MEI1: variants seen among roughly 807,000 people sequenced by gnomAD.
The protein encoded by MEI1 is meiosis inhibitor protein 1.
Under a neutral mutation model 146.2 loss-of-function variants are expected in MEI1, and 103 were observed. That is an observed-to-expected ratio of 0.70 (90% CI 0.60 to 0.83). MEI1 has a LOEUF of 0.83. Among genes scored for constraint, MEI1 ranks in the 40% least tolerant of loss-of-function variants. The probability of loss-of-function intolerance (pLI) is 0.00; values close to 1 mark genes in which losing one functional copy is unlikely to be tolerated. For synonymous variants in MEI1, 652 were observed against 628.2 expected (o/e 1.04, Z -0.57); for missense variants, 1,529 against 1,533.0 (o/e 1.00, Z 0.04).
intron 15 of MEI1, among the ~76,000 whole-genome samples, chr22:41,750,709 T>C (rs890332311): frequency 1.5e-4 from 23 of 152,186 alleles, no homozygotes; most frequent in African/African-American, 4.8e-4. Flanking sequence ...GAGTTGGAAT[T>C]CTTCTCACCT....
In MEI1 at chr22:41,763,418, G is replaced by A. The variant is rs1602010305; in HGVS notation, c.2268+97G>A. The A allele has an allele frequency of 4.3e-6, 6 of 1,390,778 alleles. No homozygotes were observed. In the South Asian group the frequency reaches 8.0e-5, roughly 19 times the overall value. The allele number at this position is 1,390,778 out of a possible 1,614,324, so 86.2% of individuals were successfully genotyped here. ...ATGATGATAGTGTATAGACAAGCGG[G>A]TGGTAGAGAGAGACAAAGCGGAGGT... On this transcript the variant is annotated intron_variant, in intron 19 of 30. Transcript: ENST00000401548.
At chr22:41,780,055 G>A (rs5758466) in intron 22 of MEI1, among the ~76,000 whole-genome samples, 97,120 of 151,950 alleles carry the variant, frequency 0.64, 34,174 homozygotes, top group East Asian at 0.92. Context: ...CACTGGGGAC[G>A]CATTGCAGAT....
chr22:41,792,932 AAG>A (rs1227639550), intron 26 of MEI1, among the ~76,000 whole-genome samples: 2 of 141,934 alleles, frequency 1.4e-5, no homozygotes, highest in African/African-American at 5.0e-5. Flanking sequence ...AAAAAAAAAA[AAG>A]GTTGAAACCC....
At chr22:41,709,253 GC>G in intron 3 of MEI1, 1 of 862,968 alleles carries the variant, frequency 1.2e-6, no homozygotes, top group Middle Eastern at 3.0e-4. Context: ...AGCTTTCTGT[GC>G]CTGGTCTGTC....
chr22:41,739,729 A>G (rs1351181144), intron 11 of MEI1, among the ~76,000 whole-genome samples: 2 of 152,122 alleles, frequency 1.3e-5, no homozygotes, highest in South Asian at 2.1e-4. Context: ...AGAGGCATCT[A>G]TGCTGAGCTG....
intron 1 of MEI1, among the ~76,000 whole-genome samples, chr22:41,701,640 T>C (rs2068730818): frequency 6.6e-6 from 1 of 152,166 alleles, no homozygotes; most frequent in Admixed American, 6.6e-5. Flanking sequence ...CTGCTTTTCT[T>C]GGACAGTAAA....
chr22:41,772,917 A>T (rs1170300757), intron 20 of MEI1, among the ~76,000 whole-genome samples: 1 of 152,104 alleles, frequency 6.6e-6, no homozygotes, highest in East Asian at 1.9e-4. Flanking sequence ...CCTAAAATGG[A>T]GCTCATTATC....
intron 17 of MEI1, 58 bp downstream of exon 17, chr22:41,754,104 G>A (rs1270419797): frequency 7.7e-7 from 1 of 1,303,882 alleles, no homozygotes. Flanking sequence ...GAGTCTGGGT[G>A]CCTTGCTGAT....
At chr22:41,728,136 C>G (rs1278781895) in intron 7 of MEI1, among the ~76,000 whole-genome samples, 1 of 152,178 alleles carries the variant, frequency 6.6e-6, no homozygotes, top group Admixed American at 6.5e-5. Context: ...ACTGCATTTT[C>G]CATCAGCGTT....
At chr22:41,781,430 G>C in intron 23 of MEI1, 36 bp downstream of exon 23, 1 of 1,517,554 alleles carries the variant, frequency 6.6e-7, no homozygotes, top group Non-Finnish European at 9.0e-7. Flanking sequence ...GAAGAGTGCT[G>C]GGCAGTCTGT....
intron 9 of MEI1, among the ~76,000 whole-genome samples, chr22:41,731,868 G>A (rs1365873183): frequency 6.6e-6 from 1 of 152,162 alleles, no homozygotes; most frequent in African/African-American, 2.4e-5. Context: ...GAGCTGTGGG[G>A]GCTCAGGGGA....
chr22:41,795,749 A>G lies in MEI1; in HGVS notation c.3681A>G (p.Gly1227=), dbSNP rs1269565902. 6.2e-7 allele frequency: 1 copy of G among 1,613,580 alleles called. No individual in the cohort carries two copies. The change falls in exon 30 of 31, where the codon GGA becomes GGG. Residue 1227 remains glycine (G), a synonymous_variant. Transcript: ENST00000401548. The surrounding 1 kb of genome is among the most constrained non-coding windows in gnomAD (Gnocchi z 4.2). The stretch of plus-strand genomic sequence containing the variant: ...TCTCCCTGCAGCTCCAGAGCATGGG[A>G]CACCTGGCTGACCACAGCATGGCCC... The part of the protein sequence containing the change: ...HGFFQQLQSM[G]HLADHSMAQT...
intron 18 of MEI1, among the ~76,000 whole-genome samples, chr22:41,760,636 C>A (rs1345754893): frequency 6.6e-6 from 1 of 152,206 alleles, no homozygotes; most frequent in Admixed American, 6.5e-5. Flanking sequence ...CATTGGCAAG[C>A]TACTGCCTTA....
At chr22:41,762,736 G>A (rs944012702) in intron 18 of MEI1, among the ~76,000 whole-genome samples, 9 of 151,398 alleles carry the variant, frequency 5.9e-5, no homozygotes, top group Non-Finnish European at 1.0e-4. Context: ...TTTTAATTTT[G>A]ATGACCTCTA....
At chr22:41,745,847 T>C (rs2073242703) in intron 13 of MEI1, 38 bp from the exon 14 acceptor site, 1 of 1,554,638 alleles carries the variant, frequency 6.4e-7, no homozygotes, top group Non-Finnish European at 8.8e-7. Flanking sequence ...TTAGGTTGCA[T>C]AGGTGGTAGT....
intron 26 of MEI1, among the ~76,000 whole-genome samples, chr22:41,787,905 C>T (rs1467924740): frequency 2.0e-5 from 3 of 152,168 alleles, no homozygotes; most frequent in Non-Finnish European, 4.4e-5. Context: ...ATTCCTAATA[C>T]AAAAGTCCAA....
At chr22:41,715,760 C>A (rs2070089536) in intron 4 of MEI1, among the ~76,000 whole-genome samples, 1 of 152,010 alleles carries the variant, frequency 6.6e-6, no homozygotes. Flanking sequence ...ACTTTTGTCC[C>A]CCAACTTCTG....
Position 41,776,391 on chromosome 22 carries a change from C to T in MEI1, c.2710+124C>T, listed in dbSNP as rs2075437743. ...GTTTTATCTGAAAAAGAAAGCCAGG[C>T]CATTGTGGCATCAAGCTAAACTTCA... On this transcript the variant is annotated intron_variant, in intron 21 of 30. Coordinates refer to ENST00000401548, the MANE Select transcript of MEI1 (RefSeq NM_152513.4). The T allele has an allele frequency of 8.6e-6, 9 of 1,051,176 alleles. No individual in the cohort carries two copies. The East Asian group carries it at 2.3e-4, about 27-fold the overall frequency. 65.1% of individuals were successfully genotyped at this position (1,051,176 alleles called of 1,614,324 possible). A position where few individuals can be genotyped will look rare whatever the true frequency, so the allele number is the denominator to read the frequency against.
intron 19 of MEI1, among the ~76,000 whole-genome samples, chr22:41,769,307 A>G (rs150666317): frequency 7.2e-5 from 11 of 152,296 alleles, no homozygotes; most frequent in South Asian, 6.2e-4. Context: ...AGATAATTCA[A>G]TGGGGGAAGA....
Sources: allele counts gnomAD v4.1 joint callset (sites outside exome capture counted in the v4.1 genomes callset), GRCh38; gene constraint gnomAD v4.1.1; non-coding constraint Gnocchi (gnomAD v3.1); transcripts MANE v1.5; gene names NCBI Gene and HGNC (gene_info 2026-07-23, HGNC 2026-07-21).